Variants in PDE4D observed in about 807,000 individuals in gnomAD.
PDE4D encodes 3',5'-cyclic-AMP phosphodiesterase 4D.
In PDE4D, 24 loss-of-function variants were observed where a neutral mutation model predicts 87.4. The observed-to-expected ratio is 0.27, with a 90% confidence interval of 0.20 to 0.39. The LOEUF (loss-of-function observed/expected upper bound fraction) is 0.39, where lower values mean the gene tolerates loss of function less well. Ranked by LOEUF, PDE4D falls within the 10% of genes least tolerant of loss-of-function variation. The pLI is 1.00. For synonymous variants in PDE4D, 384 were observed against 383.2 expected (o/e 1.00, Z -0.02); for missense variants, 714 against 1,041.0 (o/e 0.69, Z 4.32).
chr5:59,053,874 C>T (rs1202549072), intron 5 of PDE4D, among the ~76,000 whole-genome samples: 7 of 151,488 alleles, frequency 4.6e-5, no homozygotes, highest in Admixed American at 3.9e-4. Context: ...TCAGATCGTG[C>T]CACTGCACTC....
intron 1 of PDE4D, among the ~76,000 whole-genome samples, chr5:60,347,765 C>CATAT (rs1285163660): frequency 2.0e-5 from 3 of 152,080 alleles, no homozygotes; most frequent in African/African-American, 7.2e-5. Flanking sequence ...GAGTCAGCTA[C>CATAT]ATATAATTCC....
intron 6 of PDE4D, among the ~76,000 whole-genome samples, chr5:59,016,779 T>C (rs10472092): frequency 0.1 from 15,582 of 152,150 alleles, 1,045 homozygotes; most frequent in Non-Finnish European, 0.13. Context: ...TATTCACTCA[T>C]GCACTCAACA....
intron 2 of PDE4D, among the ~76,000 whole-genome samples, chr5:60,072,550 C>T (rs933796884): frequency 6.6e-6 from 1 of 152,040 alleles, no homozygotes; most frequent in Non-Finnish European, 1.5e-5. Flanking sequence ...GTTGCAATTG[C>T]TTTAGGTATC....
intron 1 of PDE4D, among the ~76,000 whole-genome samples, chr5:60,446,039 G>A (rs2150142244): frequency 6.6e-6 from 1 of 152,164 alleles, no homozygotes; most frequent in Admixed American, 6.5e-5. Context: ...AATTTGCAAA[G>A]GATAAAACTA....
chr5:59,813,373 C>T (rs1768584284), intron 1 of PDE4D, among the ~76,000 whole-genome samples: 1 of 151,900 alleles, frequency 6.6e-6, no homozygotes. Flanking sequence ...GATTACCCAC[C>T]AGTACCAGCT....
intron 2 of PDE4D, among the ~76,000 whole-genome samples, chr5:60,006,244 G>GGC (rs1214184805): frequency 6.6e-6 from 1 of 151,462 alleles, no homozygotes; most frequent in Non-Finnish European, 1.5e-5. Flanking sequence ...TATTAGGTTG[G>GGC]GCGAAAGCAA....
intron 1 of PDE4D, among the ~76,000 whole-genome samples, chr5:60,333,967 G>A (rs2149876429): frequency 6.6e-6 from 1 of 152,298 alleles, no homozygotes; most frequent in East Asian, 1.9e-4. Flanking sequence ...CAAAAGCACT[G>A]TGGCTCTCAG....
chr5:60,292,942 G>T (rs1753022288), intron 1 of PDE4D, among the ~76,000 whole-genome samples: 1 of 151,880 alleles, frequency 6.6e-6, no homozygotes, highest in African/African-American at 2.4e-5. Flanking sequence ...ACAGGTCCTT[G>T]TTTGATCATG....
intron 1 of PDE4D, among the ~76,000 whole-genome samples, chr5:60,236,840 C>A (rs1213664032): frequency 6.6e-6 from 1 of 151,938 alleles, no homozygotes; most frequent in Non-Finnish European, 1.5e-5. Flanking sequence ...GAAACAAATT[C>A]TCCCTTACAA....
intron 1 of PDE4D, among the ~76,000 whole-genome samples, chr5:60,502,306 T>C (rs1467664081): frequency 1.3e-5 from 2 of 152,188 alleles, no homozygotes; most frequent in Admixed American, 6.5e-5. Context: ...AAAGATCAGA[T>C]AGTTGTAGAT....
intron 2 of PDE4D, among the ~76,000 whole-genome samples, chr5:60,098,312 A>AT (rs1384856219): frequency 6.6e-6 from 1 of 151,994 alleles, no homozygotes; most frequent in East Asian, 1.9e-4. Context: ...TACCCAACAC[A>AT]TTTTTATATA....
intron 1 of PDE4D, among the ~76,000 whole-genome samples, chr5:60,353,346 G>C (rs929344731): frequency 6.6e-6 from 1 of 152,200 alleles, no homozygotes; most frequent in Non-Finnish European, 1.5e-5. Flanking sequence ...TCCTCACTGT[G>C]TTCCTCACCA....
rs564337980 is a variant in PDE4D, at chr5:60,500,984, C to CT, written n.70+21066dup. ...CTATGATACCAGAGCTACAGGTTTT[C>CT]TTTTTTTTTTTAATTTAATTTTATT... On this transcript the variant is annotated intron_variant and non_coding_transcript_variant, in intron 1 of 2. Coordinates refer to the PDE4D transcript ENST00000506510. Among the ~76,000 whole-genome samples, 25 of 146,340 alleles carry CT rather than the reference C, an allele frequency of 1.7e-4. No homozygotes were observed. In the East Asian group the frequency reaches 1.8e-3, roughly 11 times the overall value.
At chr5:60,046,621 T>A (rs1222468193) in intron 2 of PDE4D, among the ~76,000 whole-genome samples, 1 of 152,232 alleles carries the variant, frequency 6.6e-6, no homozygotes, top group Non-Finnish European at 1.5e-5. Flanking sequence ...TCTATTGAGA[T>A]AATCATGTGG....
At chr5:59,987,943 T>A (rs1762607346) in intron 3 of PDE4D, 1 of 152,368 alleles carries the variant, frequency 6.6e-6, no homozygotes. Context: ...CCTCTATAAG[T>A]ACTAATGCTA....
intron 1 of PDE4D, among the ~76,000 whole-genome samples, chr5:59,523,444 C>T (rs377057876): frequency 6.6e-6 from 1 of 152,130 alleles, no homozygotes; most frequent in East Asian, 1.9e-4. Context: ...TCTGAGAGAG[C>T]TCCATATCTG....
At chr5:59,899,277 C>T (rs1373033680) in intron 3 of PDE4D, among the ~76,000 whole-genome samples, 1 of 152,044 alleles carries the variant, frequency 6.6e-6, no homozygotes, top group African/African-American at 2.4e-5. Flanking sequence ...TAGAAAACAC[C>T]TGTTCACCTG....
At chr5:60,086,753 C>T (rs1774575000) in intron 2 of PDE4D, among the ~76,000 whole-genome samples, 1 of 152,256 alleles carries the variant, frequency 6.6e-6, no homozygotes, top group African/African-American at 2.4e-5. Flanking sequence ...GGGAAGCCCA[C>T]TCCAGTCCCA....
intron 1 of PDE4D, among the ~76,000 whole-genome samples, chr5:59,372,513 A>T (rs1254113629): frequency 6.6e-6 from 1 of 152,236 alleles, no homozygotes; most frequent in East Asian, 1.9e-4. Context: ...ATTTTCACTC[A>T]GTTCATCAAA....
Sources: gnomAD v4.1 joint callset for allele counts (sites outside exome capture counted in the v4.1 genomes callset) on GRCh38, gnomAD v4.1.1 for gene constraint, MANE v1.5 for transcripts, NCBI Gene and HGNC (gene_info 2026-07-23, HGNC 2026-07-21) for gene names.